KIRREL3: variants seen among roughly 807,000 people sequenced by gnomAD.
KIRREL3 encodes the protein kirre like nephrin family adhesion molecule 3.
KIRREL3 carries 36 observed loss-of-function variants against 89.7 expected under a neutral mutation model. The observed-to-expected ratio is 0.40, with a 90% CI of 0.31 to 0.53. The LOEUF is 0.53. KIRREL3 is among the 20% of genes least tolerant of loss of function. KIRREL3 has a pLI of 0.49. For missense variants in KIRREL3, 864 were observed against 1,056.6 expected, an observed-to-expected ratio of 0.82 and a Z score of 2.53; for synonymous variants, 445 against 441.4, an observed-to-expected ratio of 1.01 and a Z score of -0.10.
At position 126,953,840 on chromosome 11, in the gene KIRREL3, C is replaced by G. The variant is rs1171096669; in HGVS notation, c.55+46615G>C. On this transcript the variant is annotated intron_variant, in intron 1 of 16. Coordinates refer to ENST00000525144, the MANE Select transcript of KIRREL3 (RefSeq NM_032531.4). The surrounding 1 kb of genome is among the most constrained non-coding windows in gnomAD (Gnocchi z 5.2). ...ATATAAATTCTGCAGTGACTTTTCC[C>G]TGGTGTTATTAGTTGTTTGGGTTTT... is the stretch of plus-strand genomic sequence containing the variant. 1.3e-5 allele frequency among the ~76,000 whole-genome samples: 2 copies of G among 152,086 alleles called. No individual in the cohort carries two copies. Among genetic ancestry groups the G allele is most frequent in the Non-Finnish European group, 2.9e-5 (2 of 68,030 alleles).
chr11:126,956,860 G>A (rs540098339), intron 1 of KIRREL3, among the ~76,000 whole-genome samples: 12 of 152,220 alleles, frequency 7.9e-5, no homozygotes, highest in South Asian at 6.2e-4. Context: ...TTTTACAACC[G>A]CTGCCAGGCA....
Position 126,808,094 on chromosome 11 carries a change from T to C in KIRREL3, c.55+192361A>G, listed in dbSNP as rs1951262414. Among the ~76,000 whole-genome samples, 1 of 152,192 alleles carries C rather than the reference T, an allele frequency of 6.6e-6. No individual in the cohort carries two copies. On this transcript the variant is annotated intron_variant, in intron 1 of 16. Transcript: ENST00000525144. This position sits in a 1 kb window ranked among gnomAD's most constrained non-coding sequence, Gnocchi z 4.1. ...AAGATGTTGCACTGCAAGTGGTAGA[T>C]GCTCTCCAGGCCAGCTGCAGGACTG...
chr11:126,470,708 C>T (rs1172868931), intron 5 of KIRREL3, among the ~76,000 whole-genome samples: 8 of 152,160 alleles, frequency 5.3e-5, no homozygotes, highest in Admixed American at 4.6e-4. Context: ...GGAGGCTGGG[C>T]CCCCAGCTGC....
At chr11:126,600,391 G>A (rs1472088436) in intron 1 of KIRREL3, among the ~76,000 whole-genome samples, 1 of 152,196 alleles carries the variant, frequency 6.6e-6, no homozygotes, top group Non-Finnish European at 1.5e-5. Flanking sequence ...TATATTTAGA[G>A]GTAATAAATG....
At position 126,656,878 on chromosome 11, in the gene KIRREL3, C is replaced by A. The variant is rs1785601509; in HGVS notation, c.56-93966G>T. On this transcript the variant is annotated intron_variant, in intron 1 of 16. Coordinates refer to ENST00000525144, the MANE Select transcript of KIRREL3 (RefSeq NM_032531.4). This position sits in a 1 kb window ranked among gnomAD's most constrained non-coding sequence, Gnocchi z 4.0. ...ACCAGCCTGGCTGTCGTGGTGGGAC[C>A]CCGTCTCTACTAGGAATACAGGGGT... Among the ~76,000 whole-genome samples, 2 of 151,868 alleles carry A rather than the reference C, an allele frequency of 1.3e-5. No homozygotes were observed. The highest frequency in any genetic ancestry group is 6.6e-5 in the Admixed American group (1 of 15,260).
chr11:126,784,033 G>C (rs920290864), intron 1 of KIRREL3, among the ~76,000 whole-genome samples: 1 of 152,116 alleles, frequency 6.6e-6, no homozygotes. Flanking sequence ...GGGACACTCT[G>C]CAAGACACCT....
At chr11:126,674,810 A>C (rs1946114027) in intron 1 of KIRREL3, among the ~76,000 whole-genome samples, 1 of 152,190 alleles carries the variant, frequency 6.6e-6, no homozygotes, top group African/African-American at 2.4e-5. Context: ...CTTACCCTGC[A>C]CACTCCCACC....
intron 4 of KIRREL3, among the ~76,000 whole-genome samples, chr11:126,479,884 C>G (rs754749073): frequency 6.6e-6 from 1 of 152,186 alleles, no homozygotes; most frequent in African/African-American, 2.4e-5. Context: ...CTTACACACC[C>G]TTTGAGACTT....
At chr11:126,505,672 A>C (rs1483641327) in intron 4 of KIRREL3, among the ~76,000 whole-genome samples, 1 of 152,248 alleles carries the variant, frequency 6.6e-6, no homozygotes, top group East Asian at 1.9e-4. Context: ...AGCAATGAAC[A>C]ATCCAAAAAT....
Position 126,594,534 on chromosome 11 carries a change from CTTCT to C in KIRREL3, c.56-31626_56-31623del, listed in dbSNP as rs570812237. Among the ~76,000 whole-genome samples the C allele has an allele frequency of 4.6e-4, 70 of 152,158 alleles. 3 individuals carry two copies. In the East Asian group the frequency reaches 0.012, roughly 25 times the overall value. On this transcript the variant is annotated intron_variant, in intron 1 of 16. Coordinates refer to ENST00000525144, the MANE Select transcript of KIRREL3 (RefSeq NM_032531.4). This position sits in a 1 kb window ranked among gnomAD's most constrained non-coding sequence, Gnocchi z 5.0. ...TAGAATTCCTTTAGCCTCGTTTTTC[CTTCT>C]TTCTTTCCACATAGCATGGGGCCTT... is the stretch of plus-strand genomic sequence containing the variant.
chr11:126,827,409 C>T (rs1943454944), intron 1 of KIRREL3, among the ~76,000 whole-genome samples: 1 of 152,100 alleles, frequency 6.6e-6, no homozygotes, highest in Non-Finnish European at 1.5e-5. Context: ...AACTCCTGAC[C>T]TCGTGATTCA....
At position 126,943,355 on chromosome 11, in the gene KIRREL3, T is replaced by C. The variant is rs1452414241; in HGVS notation, c.55+57100A>G. Among the ~76,000 whole-genome samples the C allele has an allele frequency of 6.6e-6, 1 of 152,202 alleles. No homozygotes were observed. The highest frequency in any genetic ancestry group is 1.5e-5 in the Non-Finnish European group (1 of 68,032). ...CCACGGAACGCCTTACTCCTGGAAC[T>C]AATCACAGCATTTCTCTACCCTCCT... On this transcript the variant is annotated intron_variant, in intron 1 of 16. Coordinates refer to ENST00000525144, the MANE Select transcript of KIRREL3 (RefSeq NM_032531.4). The surrounding 1 kb of genome is among the most constrained non-coding windows in gnomAD (Gnocchi z 4.2).
intron 1 of KIRREL3, among the ~76,000 whole-genome samples, chr11:126,626,832 C>T (rs1212389718): frequency 1.3e-5 from 2 of 151,964 alleles, no homozygotes; most frequent in South Asian, 2.1e-4. Context: ...CATGTTTCAC[C>T]CCATGTTTCT....
intron 10 of KIRREL3, among the ~76,000 whole-genome samples, chr11:126,442,768 C>T (rs1352636735): frequency 2.6e-5 from 4 of 152,240 alleles, no homozygotes; most frequent in South Asian, 2.1e-4. Context: ...CGCTCCCCTC[C>T]GGGGCCACTG....
chr11:126,682,859 C>T lies in KIRREL3; in HGVS notation c.56-119947G>A, dbSNP rs1283178261. ...GTTCCTAACAGGCTGAGGACCGGTACCCCGGGGCTGGGGATCCCTGTTCTA... is the reference window on the plus strand; with the variant it reads ...GTTCCTAACAGGCTGAGGACCGGTATCCCGGGGCTGGGGATCCCTGTTCTA... On this transcript the variant is annotated intron_variant, in intron 1 of 16. Coordinates refer to ENST00000525144, the MANE Select transcript of KIRREL3 (RefSeq NM_032531.4). The surrounding 1 kb of genome is among the most constrained non-coding windows in gnomAD (Gnocchi z 4.8). Among the ~76,000 whole-genome samples, 2 of 152,130 alleles carry T rather than the reference C, an allele frequency of 1.3e-5. No homozygotes were observed. The highest frequency in any genetic ancestry group is 4.8e-5 in the African/African-American group (2 of 41,422).
chr11:126,425,167 CAG>C (rs775786770), intron 16 of KIRREL3, 144 bp from the exon 17 acceptor site: 19 of 692,530 alleles, frequency 2.7e-5, no homozygotes, highest in African/African-American at 1.4e-4. Flanking sequence ...GGAGCAAACT[CAG>C]GGGTGAACAG....
chr11:126,429,195 G>T lies in KIRREL3; in HGVS notation c.1790C>A (p.Thr597Asn). 1 of 1,610,756 alleles carries T rather than the reference G, an allele frequency of 6.2e-7. No individual in the cohort carries two copies. The highest frequency in any genetic ancestry group is 8.5e-7 in the Non-Finnish European group (1 of 1,176,978). Residue 597 changes from threonine to asparagine, a missense_variant, in exon 15 of 17, where the codon ACC becomes AAC. Thr to Asn is a moderately conservative substitution (Grantham distance 65). Coordinates refer to ENST00000525144, the MANE Select transcript of KIRREL3 (RefSeq NM_032531.4). This position sits in a 1 kb window ranked among gnomAD's most constrained non-coding sequence, Gnocchi z 5.2. ...ASGREGEEHSTIKQLMMDRGE... is the reference protein window; with the variant it reads ...ASGREGEEHSNIKQLMMDRGE... ...CATTCTTACCATCAGCTGCTTGATGGTGGAGTGCTCCTCACCCTCCCGACC... is the reference window on the plus strand; with the variant it reads ...CATTCTTACCATCAGCTGCTTGATGTTGGAGTGCTCCTCACCCTCCCGACC...
At position 126,768,836 on chromosome 11, in the gene KIRREL3, C is replaced by T. The variant is rs778213291; in HGVS notation, c.56-205924G>A. The stretch of plus-strand genomic sequence containing the variant: ...TATGGCAGGATGTCTGAGCAGTCGG[C>T]GGAGACCAGACATAGAGCTCCATGG... On this transcript the variant is annotated intron_variant, in intron 1 of 16. Coordinates refer to ENST00000525144, the MANE Select transcript of KIRREL3 (RefSeq NM_032531.4). The surrounding 1 kb of genome is among the most constrained non-coding windows in gnomAD (Gnocchi z 4.5). Among the ~76,000 whole-genome samples the T allele has an allele frequency of 5.3e-5, 8 of 152,114 alleles. No homozygotes were observed. Among genetic ancestry groups the T allele is most frequent in the African/African-American group, 7.2e-5 (3 of 41,418 alleles).
At chr11:126,449,260 G>T in intron 7 of KIRREL3, 103 bp from the exon 8 acceptor site, 2 of 1,309,226 alleles carry the variant, frequency 1.5e-6, no homozygotes, top group South Asian at 1.4e-5. Context: ...TGGGTTGTGT[G>T]GCAAGTGGGG....
Sources: allele counts gnomAD v4.1 joint callset (sites outside exome capture counted in the v4.1 genomes callset), GRCh38; gene constraint gnomAD v4.1.1; non-coding constraint Gnocchi (gnomAD v3.1); transcripts MANE v1.5; gene names NCBI Gene and HGNC (gene_info 2026-07-23, HGNC 2026-07-21).